The following CDH3 variants were observed in gnomAD, a reference collection of about 807,000 sequenced individuals.
CDH3 encodes cadherin-3.
A neutral mutation model predicts 82.0 loss-of-function variants in CDH3; 54 were observed. The ratio of observed to expected loss-of-function variants is 0.66; its 90% CI spans 0.53 to 0.83. The LOEUF is 0.83. CDH3 is among the 40% of genes least tolerant of loss of function. The pLI is 0.00. For synonymous variants in CDH3, 446 were observed against 437.9 expected (o/e 1.02, Z -0.23); for missense variants, 1,054 against 1,084.6 (o/e 0.97, Z 0.40).
chr16:68,722,697 G>T (rs1375985571), intron 2 of CDH3: 1 of 152,348 alleles, frequency 6.6e-6, no homozygotes, highest in South Asian at 2.1e-4. Context: ...AGAGACCCAG[G>T]ATCCCAGACA....
At chr16:68,678,340 C>T in intron 4 of CDH3, 63 bp downstream of exon 4, 1 of 1,600,400 alleles carries the variant, frequency 6.2e-7, no homozygotes, top group South Asian at 1.1e-5. Flanking sequence ...CAAAGGCCTG[C>T]ATGAGATTTC....
At chr16:68,684,494 T>G in intron 9 of CDH3, 89 bp from the exon 10 acceptor site, 1 of 1,471,066 alleles carries the variant, frequency 6.8e-7, no homozygotes, top group Non-Finnish European at 9.5e-7. Flanking sequence ...CCCCTCAGTA[T>G]TGGTGTTTTC....
downstream of CDH3, among the ~76,000 whole-genome samples, chr16:68,703,880 G>A (rs1961926121): frequency 6.6e-6 from 1 of 152,188 alleles, no homozygotes; most frequent in African/African-American, 2.4e-5. Context: ...CTGGGAGGCA[G>A]AGGTTGCAGT....
At chr16:68,703,131 C>T (rs1048756317), downstream of CDH3, among the ~76,000 whole-genome samples, 11 of 152,220 alleles carry the variant, frequency 7.2e-5, no homozygotes, top group African/African-American at 2.7e-4. Context: ...ACTGACCCAA[C>T]GATCTTTTTT....
At chr16:68,712,882 A>G (rs895602345) in intron 1 of CDH3, among the ~76,000 whole-genome samples, 2 of 152,074 alleles carry the variant, frequency 1.3e-5, no homozygotes, top group African/African-American at 4.8e-5. Flanking sequence ...GGGTTTCACC[A>G]TGTTGGCCAG....
At chr16:68,670,970 G>A (rs1337522209) in intron 2 of CDH3, among the ~76,000 whole-genome samples, 1 of 152,114 alleles carries the variant, frequency 6.6e-6, no homozygotes, top group Admixed American at 6.5e-5. Context: ...CTACTCAAGA[G>A]GCTGAGGCAA....
intron 2 of CDH3, among the ~76,000 whole-genome samples, chr16:68,663,326 G>A (rs964955701): frequency 3.3e-5 from 5 of 151,418 alleles, no homozygotes; most frequent in African/African-American, 1.2e-4. Context: ...TGCCTCCCGG[G>A]TTCACGCCAT....
At chr16:68,694,051 T>TA (rs1439266735) in intron 13 of CDH3, among the ~76,000 whole-genome samples, 5 of 152,048 alleles carry the variant, frequency 3.3e-5, no homozygotes, top group African/African-American at 1.2e-4. Flanking sequence ...GGTCAGGAGT[T>TA]AGAGACCAGC....
chr16:68,654,727 TA>T (rs1426227739), intron 2 of CDH3, among the ~76,000 whole-genome samples: 5 of 138,096 alleles, frequency 3.6e-5, no homozygotes, highest in African/African-American at 1.3e-4. Context: ...TATATATATA[TA>T]TATATATTTA....
At chr16:68,731,035 AAAAAAAAAAAAAAT>A (rs1328848228), downstream of CDH3, among the ~76,000 whole-genome samples, 2 of 30,978 alleles carry the variant, frequency 6.5e-5, no homozygotes, top group South Asian at 1.2e-3. Flanking sequence ...AAAAAAAAAA[AAAAAAAAAAAAAAT>A]ATATATATAT....
chr16:68,645,513 G>T, intron 1 of CDH3, 89 bp downstream of exon 1: 1 of 1,484,234 alleles, frequency 6.7e-7, no homozygotes, highest in African/African-American at 1.4e-5. Flanking sequence ...CGGGGAGAGC[G>T]CGGGGCTGCG....
chr16:68,701,818 G>A (rs1242134876), downstream of CDH3, among the ~76,000 whole-genome samples: 1 of 151,874 alleles, frequency 6.6e-6, no homozygotes, highest in African/African-American at 2.4e-5. Context: ...GAGGTCAGGA[G>A]TTCGAGACCA....
At position 68,695,801 on chromosome 16, in the gene CDH3, C is replaced by G. The variant is rs368064604; in HGVS notation, c.2158C>G (p.Arg720Gly). The part of the protein sequence containing the change: ...DQDYDITQLH[R>G]GLEARPEVVL... The stretch of plus-strand genomic sequence containing the variant: ...GGACTATGACATCACCCAGCTCCAC[C>G]GAGGTCTGGAGGCCAGGCCGGAGGT... The change falls in exon 15 of 16, where the codon CGA (arginine) becomes GGA (glycine). Residue 720 changes from arginine (R) to glycine (G), a missense_variant. By Grantham distance (125) the Arg-to-Gly change is moderately radical (BLOSUM62 -2). Transcript: ENST00000264012. 79 of 1,614,012 alleles carry G rather than the reference C, an allele frequency of 4.9e-5. No homozygotes were observed. Among genetic ancestry groups the G allele is most frequent in the Non-Finnish European group, 6.6e-5 (78 of 1,180,030 alleles).
chr16:68,717,694 A>C (rs1192855176), intron 1 of CDH3, among the ~76,000 whole-genome samples: 2 of 151,656 alleles, frequency 1.3e-5, no homozygotes, highest in African/African-American at 2.4e-5. Flanking sequence ...AATCGCTTGA[A>C]CCTGGGAGTT....
intron 2 of CDH3, among the ~76,000 whole-genome samples, chr16:68,674,472 T>C (rs1960976409): frequency 6.6e-6 from 1 of 152,150 alleles, no homozygotes; most frequent in South Asian, 2.1e-4. Flanking sequence ...GTGGCTCGTA[T>C]CTGTAATCCC....
At chr16:68,703,733 G>A (rs1961924632), downstream of CDH3, among the ~76,000 whole-genome samples, 1 of 151,760 alleles carries the variant, frequency 6.6e-6, no homozygotes, top group Admixed American at 6.6e-5. Flanking sequence ...GAACACCTGA[G>A]GTCAGGAGTT....
At chr16:68,682,271 T>A in intron 8 of CDH3, 31 bp from the exon 9 acceptor site, 1 of 1,607,492 alleles carries the variant, frequency 6.2e-7, no homozygotes, top group Non-Finnish European at 8.5e-7. Context: ...CATTCTCTGC[T>A]CTGATAGTGC....
rs763653436 is a variant in CDH3 at position 68,679,755 on chromosome 16, G to A, written c.692-44G>A. On this transcript the variant is annotated intron_variant, in intron 6 of 15. Coordinates refer to ENST00000264012, the MANE Select transcript of CDH3 (RefSeq NM_001793.6). ...AAGAGTTCCAGAAGTAGACAGGGCT[G>A]GAGTTGGAACTGGGAGGAAAAGATA... 4.6e-6 allele frequency: 6 copies of A among 1,314,782 alleles called. No homozygotes were observed. In the East Asian group the frequency reaches 9.2e-5, roughly 20 times the overall value. 81.4% of individuals were successfully genotyped at this position (1,314,782 alleles called of 1,614,324 possible).
At chr16:68,662,972 T>A (rs1379938812) in intron 2 of CDH3, among the ~76,000 whole-genome samples, 1 of 147,302 alleles carries the variant, frequency 6.8e-6, no homozygotes, top group Non-Finnish European at 1.5e-5. Context: ...GGGTTCAAGC[T>A]ATTCTCCTGC....
Sources: gnomAD v4.1 joint callset for allele counts (sites outside exome capture counted in the v4.1 genomes callset) on GRCh38, gnomAD v4.1.1 for gene constraint, MANE v1.5 for transcripts, NCBI Gene and HGNC (gene_info 2026-07-23, HGNC 2026-07-21) for gene names.